Variants in SHROOM2 observed in about 807,000 individuals in gnomAD.
SHROOM2 encodes the protein shroom family member 2, also known as protein Shroom2.
Under a neutral mutation model 75.9 loss-of-function variants are expected in SHROOM2, and 33 were observed. The ratio of observed to expected loss-of-function variants is 0.43; its 90% CI spans 0.33 to 0.58. The LOEUF (loss-of-function observed/expected upper bound fraction) is 0.58, where lower values mean the gene tolerates loss of function less well. SHROOM2 is among the 20% of genes least tolerant of loss of function. The pLI, the probability that SHROOM2 is intolerant of heterozygous loss-of-function variation, is 0.04. For missense variants in SHROOM2, 1,434 were observed against 1,461.2 expected (o/e 0.98, Z 0.30); for synonymous variants, 655 against 663.6 (o/e 0.99, Z 0.20).
intron 5 of SHROOM2, among the ~76,000 whole-genome samples, chrX:9,900,506 A>G (rs1601978411): frequency 8.9e-6 from 1 of 112,446 alleles, no homozygotes; most frequent in East Asian, 2.8e-4. Context: ...ATGCGTAGCA[A>G]AAAGTATGTA....
intron 1 of SHROOM2, among the ~76,000 whole-genome samples, chrX:9,802,926 T>TTTTTTTC (rs368950201): frequency 3.5e-3 from 251 of 72,155 alleles, no homozygotes; most frequent in African/African-American, 0.029. Context: ...TGCAGATTTC[T>TTTTTTTC]TTTTTTTTTT....
At chrX:9,914,611 C>A (rs1601993607) in intron 5 of SHROOM2, among the ~76,000 whole-genome samples, 1 of 110,908 alleles carries the variant, frequency 9.0e-6, no homozygotes, top group Non-Finnish European at 1.9e-5. Flanking sequence ...CTGAAGAGGT[C>A]CTAGAGTTAT....
At chrX:9,839,010 G>A (rs937927185) in intron 1 of SHROOM2, among the ~76,000 whole-genome samples, 6 of 111,171 alleles carry the variant, frequency 5.4e-5, no homozygotes, top group Admixed American at 1.9e-4. Flanking sequence ...TTCCTTCCCT[G>A]TCGCACGTGG....
chrX:9,804,493 A>G (rs1388402323), intron 1 of SHROOM2, among the ~76,000 whole-genome samples: 1 of 112,561 alleles, frequency 8.9e-6, no homozygotes, highest in Admixed American at 9.5e-5. Context: ...GCTTGCAACC[A>G]AGAAAACCAT....
chrX:9,819,202 A>G, intron 1 of SHROOM2: 1 of 1,068,297 alleles, frequency 9.4e-7, no homozygotes, highest in Non-Finnish European at 1.3e-6. Flanking sequence ...GGATTCTCAC[A>G]TTCAGGACAG....
intron 5 of SHROOM2, among the ~76,000 whole-genome samples, chrX:9,917,502 TTTGTTG>T (rs35611302): frequency 3.9e-4 from 33 of 84,234 alleles, no homozygotes; most frequent in African/African-American, 1.2e-3. Context: ...ATTGTGGTTC[TTTGTTG>T]TTGTTGTTGT....
At chrX:9,890,148 C>T (rs1192100456) in intron 2 of SHROOM2, among the ~76,000 whole-genome samples, 5 of 112,233 alleles carry the variant, frequency 4.5e-5, no homozygotes, top group African/African-American at 1.6e-4. Context: ...GAGTGGATCA[C>T]TTGAGGTCAG....
At chrX:9,936,718 G>A (rs913624966) in intron 6 of SHROOM2, among the ~76,000 whole-genome samples, 2 of 112,073 alleles carry the variant, frequency 1.8e-5, no homozygotes, top group Non-Finnish European at 3.8e-5. Flanking sequence ...ACCTAAGGAC[G>A]GATGGGAATC....
intron 1 of SHROOM2, among the ~76,000 whole-genome samples, chrX:9,787,598 C>G (rs1189185027): frequency 8.9e-6 from 1 of 112,355 alleles, no homozygotes; most frequent in Non-Finnish European, 1.9e-5. Flanking sequence ...AGATAATTTA[C>G]TGGTTTTCTC....
chrX:9,859,837 A>T (rs1230261428), intron 1 of SHROOM2, among the ~76,000 whole-genome samples: 2 of 111,159 alleles, frequency 1.8e-5, no homozygotes, highest in Admixed American at 9.6e-5. Context: ...CCCTCACCTG[A>T]TCAAACTGCT....
chrX:9,870,654 A>G (rs986170786), intron 1 of SHROOM2, among the ~76,000 whole-genome samples: 2 of 112,467 alleles, frequency 1.8e-5, no homozygotes, highest in Admixed American at 1.9e-4. Flanking sequence ...ATCAGAATGT[A>G]CTTAAAGAGA....
At chrX:9,936,483 T>C (rs1027408013) in intron 6 of SHROOM2, among the ~76,000 whole-genome samples, 10 of 112,100 alleles carry the variant, frequency 8.9e-5, no homozygotes, top group African/African-American at 3.2e-4. Flanking sequence ...CGCTGCTTAC[T>C]GCGAGATCGT....
At chrX:9,824,157 G>T (rs1420537610) in intron 1 of SHROOM2, among the ~76,000 whole-genome samples, 3 of 110,767 alleles carry the variant, frequency 2.7e-5, no homozygotes, top group Admixed American at 9.6e-5. Context: ...AGGTCGGCCG[G>T]GTGCTATGGC....
Position 9,946,756 on chromosome X carries a change from G to A in SHROOM2, c.4670G>A (p.Arg1557His), listed in dbSNP as rs201047041. Residue 1557 changes from arginine to histidine, a missense_variant, in exon 10 of 10, where the codon CGC (arginine) becomes CAC (histidine). Arg to His is a conservative substitution (Grantham distance 29, BLOSUM62 0). Around this residue, in one of 3 missense-constraint regions of SHROOM2, gnomAD observed 80 missense variants for 88.4 expected, o/e 0.90. Transcript: ENST00000380913. The part of the protein sequence containing the change: ...ELKENLDRRE[R>H]IVFDILANYL... ...AAGGAGAACCTGGACCGCCGCGAGC[G>A]CATCGTCTTTGACATTTTGGCCAAC... The A allele has an allele frequency of 1.9e-4, 231 of 1,203,134 alleles. 1 individual carries two copies. The East Asian group carries it at 6.5e-3, about 34-fold the overall frequency.
intron 1 of SHROOM2, among the ~76,000 whole-genome samples, chrX:9,870,416 G>C (rs756501978): frequency 7.1e-5 from 8 of 112,037 alleles, no homozygotes; most frequent in Non-Finnish European, 1.3e-4. Flanking sequence ...CTTTTCTCCA[G>C]ACTCATTAAA....
intron 5 of SHROOM2, among the ~76,000 whole-genome samples, chrX:9,925,774 T>C (rs753347147): frequency 8.9e-6 from 1 of 112,642 alleles, no homozygotes; most frequent in South Asian, 3.7e-4. Context: ...GTTAGCAGAA[T>C]ATGTAAATGA....
intron 2 of SHROOM2, among the ~76,000 whole-genome samples, chrX:9,879,329 C>A (rs767378840): frequency 9.0e-6 from 1 of 111,725 alleles, no homozygotes; most frequent in Non-Finnish European, 1.9e-5. Context: ...GGCAAGATCT[C>A]GGCTCACTGC....
chrX:9,910,756 G>A (rs2084419282), intron 5 of SHROOM2, among the ~76,000 whole-genome samples: 1 of 110,168 alleles, frequency 9.1e-6, no homozygotes, highest in Admixed American at 9.7e-5. Flanking sequence ...GGCGGAGGTT[G>A]CAGTGAGCTG....
chrX:9,853,504 G>A (rs187141114), intron 1 of SHROOM2, among the ~76,000 whole-genome samples: 1 of 112,032 alleles, frequency 8.9e-6, no homozygotes, highest in East Asian at 2.8e-4. Flanking sequence ...TGGGGGAAGA[G>A]CCTTCCTTGT....
Sources: allele counts gnomAD v4.1 joint callset (sites outside exome capture counted in the v4.1 genomes callset), GRCh38; gene constraint gnomAD v4.1.1; regional missense constraint gnomAD v4.1.1; transcripts MANE v1.5; gene names NCBI Gene and HGNC (gene_info 2026-07-23, HGNC 2026-07-21).